Variants in KMT2A observed in about 807,000 individuals in gnomAD.
KMT2A encodes histone-lysine N-methyltransferase 2A.
A neutral mutation model predicts 345.3 loss-of-function variants in KMT2A; 16 were observed. The observed-to-expected ratio is 0.05, with a 90% CI of 0.03 to 0.07. The LOEUF (loss-of-function observed/expected upper bound fraction) is 0.07. KMT2A is among the 10% of genes least tolerant of loss of function. The pLI is 1.00. For missense variants in KMT2A, 3,272 were observed against 4,841.6 expected, an observed-to-expected ratio of 0.68 and a Z score of 9.62; for synonymous variants, 1,599 against 1,778.6, an observed-to-expected ratio of 0.90 and a Z score of 2.54.
At chr11:118,466,056 T>C (rs1001278409) in intron 1 of KMT2A, among the ~76,000 whole-genome samples, 4 of 152,212 alleles carry the variant, frequency 2.6e-5, no homozygotes, top group African/African-American at 9.6e-5. Flanking sequence ...ATAATTTTTT[T>C]ATTTTAAAAT....
chr11:118,521,843 A>T lies in KMT2A; in HGVS notation c.11644-54A>T. ...CAAGAGAAGATTGGGACATGTTCTT[A>T]AAGCTGAGTTTATAAGAAATGACAA... On this transcript the variant is annotated intron_variant, in intron 35 of 35. Transcript: ENST00000534358. This position sits in a 1 kb window ranked among gnomAD's most constrained non-coding sequence, Gnocchi z 5.3. 6.4e-7 allele frequency: 1 copy of T among 1,573,180 alleles called. No homozygotes were observed. Among genetic ancestry groups the T allele is most frequent in the Non-Finnish European group, 8.7e-7 (1 of 1,148,280 alleles).
chr11:118,493,474 G>A lies in KMT2A; in HGVS notation c.5178+244G>A, dbSNP rs1418861606. ...TATTTGGCTTTCATCTCAGTTTTCT[G>A]AAAATTATTTTTATATTAAGAGGAA... On this transcript the variant is annotated intron_variant, in intron 16 of 35. Coordinates refer to ENST00000534358, the MANE Select transcript of KMT2A (RefSeq NM_001197104.2). This position sits in a 1 kb window ranked among gnomAD's most constrained non-coding sequence, Gnocchi z 5.8. Among the ~76,000 whole-genome samples, 1 of 152,078 alleles carries A rather than the reference G, an allele frequency of 6.6e-6. No individual in the cohort carries two copies. Among genetic ancestry groups the A allele is most frequent in the Non-Finnish European group, 1.5e-5 (1 of 67,984 alleles).
At chr11:118,470,895 CTT>C (rs374464983) in intron 2 of KMT2A, among the ~76,000 whole-genome samples, 14 of 152,248 alleles carry the variant, frequency 9.2e-5, no homozygotes, top group African/African-American at 3.1e-4. Context: ...TGGCAAATTC[CTT>C]TTATTTAGAA....
chr11:118,506,431 C>T lies in KMT2A; in HGVS notation c.10539C>T (p.Thr3513=), dbSNP rs782255667. ...CCTCAGCTGTGCAAGCCAGCCCCAC[C>T]TCTCCTGGGGGTTCTCCATCCTCTC... The part of the protein sequence containing the change: ...ALSSAVQASP[T]SPGGSPSSPS... Residue 3513 remains threonine, a synonymous_variant, in exon 27 of 36, where the codon ACC becomes ACT. Transcript: ENST00000534358. 6.2e-7 allele frequency: 1 copy of T among 1,614,210 alleles called. No homozygotes were observed. Among genetic ancestry groups the T allele is most frequent in the Non-Finnish European group, 8.5e-7 (1 of 1,180,020 alleles).
intron 10 of KMT2A, 56 bp downstream of exon 10, chr11:118,485,031 A>G (rs1950205290): frequency 9.7e-7 from 1 of 1,035,282 alleles, no homozygotes; most frequent in African/African-American, 1.6e-5. Context: ...TTTTCTGTGG[A>G]TGAAATTACT....
At position 118,505,699 on chromosome 11, in the gene KMT2A, A is replaced by G. The variant is rs1555047953; in HGVS notation, c.9807A>G (p.Pro3269=). ...CACCCTCCCAGCTTCCTAATCATCC[A>G]AGTCTGTTAGATTTGGGGTCACTTA... The part of the protein sequence containing the change: ...NFTPSQLPNH[P]SLLDLGSLNT... The change falls in exon 27 of 36, where the codon CCA becomes CCG. Residue 3269 remains proline, a synonymous_variant. Coordinates refer to ENST00000534358, the MANE Select transcript of KMT2A (RefSeq NM_001197104.2). This position sits in a 1 kb window ranked among gnomAD's most constrained non-coding sequence, Gnocchi z 4.6. 3.1e-6 allele frequency: 5 copies of G among 1,614,162 alleles called. No homozygotes were observed. In the South Asian group the frequency reaches 5.5e-5, roughly 18 times the overall value.
chr11:118,505,845 G>C lies in KMT2A; in HGVS notation c.9953G>C (p.Gly3318Ala), dbSNP rs1950572153. ...GGAGGAACTGCTGCCACAGCGGCAG[G>C]CACATCAACAATAAGCCAGGATACT... ...SVGGTAATAA[G>A]TSTISQDTSH... The change falls in exon 27 of 36, where the codon GGC becomes GCC. Residue 3318 changes from glycine (G) to alanine (A), a missense_variant. Transcript: ENST00000534358. The surrounding 1 kb of genome is among the most constrained non-coding windows in gnomAD (Gnocchi z 4.6). 1 of 1,614,142 alleles carries C rather than the reference G, an allele frequency of 6.2e-7. No homozygotes were observed. The highest frequency in any genetic ancestry group is 1.1e-5 in the South Asian group (1 of 91,074).
chr11:118,478,701 T>C (rs1043457462), intron 5 of KMT2A, among the ~76,000 whole-genome samples: 1 of 152,214 alleles, frequency 6.6e-6, no homozygotes, highest in Non-Finnish European at 1.5e-5. Context: ...ACATTGGAGA[T>C]ACCTTGCATA....
chr11:118,525,010 T>A lies in KMT2A; in HGVS notation c.*2838T>A. 1 of 213,020 alleles carries A rather than the reference T, an allele frequency of 4.7e-6. No individual in the cohort carries two copies. The highest frequency in any genetic ancestry group is 9.5e-6 in the Non-Finnish European group (1 of 104,894). The allele number at this position is 213,020 out of a possible 1,614,324, so 13.2% of individuals were successfully genotyped here. On this transcript the variant is annotated 3_prime_UTR_variant, in exon 36 of 36. Transcript: ENST00000534358. ...CCACAAAAATGAGAAATTCCTCTTC[T>A]AGCTCAGCCTTGAGTCCATTGCCAA...
At position 118,515,206 on chromosome 11, in the gene KMT2A, T is replaced by C. The variant is rs939251532; in HGVS notation, c.11146+3181T>C. Among the ~76,000 whole-genome samples, 9 of 152,350 alleles carry C rather than the reference T, an allele frequency of 5.9e-5. No homozygotes were observed. In the East Asian group the frequency reaches 1.5e-3, roughly 26 times the overall value. ...AATGTGCTTTCATATCAGCATAACATGGTTGATGCAGTTCCCTCCACCAGG... is the reference window on the plus strand; with the variant it reads ...AATGTGCTTTCATATCAGCATAACACGGTTGATGCAGTTCCCTCCACCAGG... On this transcript the variant is annotated intron_variant, in intron 31 of 35. Transcript: ENST00000534358.
chr11:118,446,686 G>T (rs1005291616), intron 1 of KMT2A, among the ~76,000 whole-genome samples: 16 of 152,052 alleles, frequency 1.1e-4, no homozygotes, highest in Admixed American at 6.6e-5. Flanking sequence ...ATTACTTTTG[G>T]ATAGTTTATT....
rs1555048236 is a variant in KMT2A at position 118,506,129 on chromosome 11, G to A, written c.10237G>A (p.Gly3413Arg). 6.8e-6 allele frequency: 11 copies of A among 1,614,102 alleles called. 1 individual carries two copies. In the South Asian group the frequency reaches 1.1e-4, roughly 16 times the overall value. The change falls in exon 27 of 36, where the codon GGG becomes AGG. Residue 3413 changes from glycine (G) to arginine (R), a missense_variant. Gly to Arg is a moderately radical substitution (Grantham distance 125). Transcript: ENST00000534358. ...PPSSGMFPQL[G>R]TSQTPSTAAI... ...AAGTTCAGGAATGTTTCCACAACTG[G>A]GGACATCACAGACCCCCTCTACTGC...
intron 5 of KMT2A, 95 bp downstream of exon 5, chr11:118,478,296 A>G: frequency 1.1e-6 from 1 of 931,418 alleles, no homozygotes; most frequent in Non-Finnish European, 1.6e-6. Context: ...AGGAAACTGA[A>G]TGTGGTTGTA....
rs1321844310 is a variant in KMT2A, at chr11:118,526,406, C to A, written c.*4234C>A. 4.4e-6 allele frequency: 1 copy of A among 227,426 alleles called. No individual in the cohort carries two copies. Among genetic ancestry groups the A allele is most frequent in the African/African-American group, 2.2e-5 (1 of 45,018 alleles). The allele number at this position is 227,426 out of a possible 1,614,324, so 14.1% of individuals were successfully genotyped here. ...CCAAGAAAATAGAATTGTGGTGTTT[C>A]TTTTATTGAACTTTTAACAGTCTCT... On this transcript the variant is annotated 3_prime_UTR_variant, in exon 36 of 36. Coordinates refer to ENST00000534358, the MANE Select transcript of KMT2A (RefSeq NM_001197104.2).
rs781961869 is a variant in KMT2A at position 118,473,052 on chromosome 11, C to T, written c.1893C>T (p.Tyr631=). 4.3e-6 allele frequency: 7 copies of T among 1,614,196 alleles called. No homozygotes were observed. The South Asian group carries it at 7.7e-5, about 18-fold the overall frequency. Residue 631 remains tyrosine, a synonymous_variant, in exon 3 of 36, where the codon TAC becomes TAT. Coordinates refer to ENST00000534358, the MANE Select transcript of KMT2A (RefSeq NM_001197104.2). This position sits in a 1 kb window ranked among gnomAD's most constrained non-coding sequence, Gnocchi z 5.2. ...SLKHSRSEPQ[Y]FSSAKYAKEG... ...AGCATTCTAGGTCAGAGCCACAATA[C>T]TTTTCCTCAGCAAAGTATGCCAAAG...
At position 118,473,698 on chromosome 11, in the gene KMT2A, A is replaced by G. The variant is rs782723723; in HGVS notation, c.2539A>G (p.Arg847Gly). The G allele has an allele frequency of 3.1e-6, 5 of 1,614,184 alleles. No individual in the cohort carries two copies. Among genetic ancestry groups the G allele is most frequent in the Admixed American group, 1.7e-5 (1 of 60,020 alleles). The change falls in exon 3 of 36, where the codon AGA (arginine) becomes GGA (glycine). Residue 847 changes from arginine (R) to glycine (G), a missense_variant. Coordinates refer to ENST00000534358, the MANE Select transcript of KMT2A (RefSeq NM_001197104.2). The surrounding 1 kb of genome is among the most constrained non-coding windows in gnomAD (Gnocchi z 5.2). ...PWFTPGSQTE[R>G]GRNKDKAPEE... ...GTTTACCCCAGGCTCTCAGACTGAAAGAGGGAGAAATAAAGACAAGGCCCC... is the reference window on the plus strand; with the variant it reads ...GTTTACCCCAGGCTCTCAGACTGAAGGAGGGAGAAATAAAGACAAGGCCCC...
chr11:118,478,598 G>A (rs1950078650), intron 5 of KMT2A, among the ~76,000 whole-genome samples: 1 of 152,092 alleles, frequency 6.6e-6, no homozygotes. Context: ...TAGCTCTGGA[G>A]GATTTCTACT....
chr11:118,445,048 A>T (rs1949390294), intron 1 of KMT2A, among the ~76,000 whole-genome samples: 1 of 152,198 alleles, frequency 6.6e-6, no homozygotes, highest in Non-Finnish European at 1.5e-5. Context: ...AAAGGAGAGC[A>T]GGGTTATAAT....
At chr11:118,465,480 T>C (rs1334951168) in intron 1 of KMT2A, among the ~76,000 whole-genome samples, 20 of 152,236 alleles carry the variant, frequency 1.3e-4, no homozygotes, top group East Asian at 1.9e-4. Context: ...TCCCATCATA[T>C]GTATGTTGCC....
Sources: allele counts gnomAD v4.1 joint callset (sites outside exome capture counted in the v4.1 genomes callset), GRCh38; gene constraint gnomAD v4.1.1; non-coding constraint Gnocchi (gnomAD v3.1); transcripts MANE v1.5; gene names NCBI Gene and HGNC (gene_info 2026-07-23, HGNC 2026-07-21).